Variants in CSMD1 observed in about 807,000 individuals in gnomAD.
CSMD1 encodes the protein CUB and sushi domain-containing protein 1.
CSMD1 carries 213 observed loss-of-function variants against 417.5 expected under a neutral mutation model. The observed-to-expected ratio is 0.51, with a 90% CI of 0.46 to 0.57. The LOEUF (loss-of-function observed/expected upper bound fraction) is 0.57. CSMD1 is among the 20% of genes least tolerant of loss of function. The pLI is 0.00. For synonymous variants in CSMD1, 2,862 were observed against 1,736.8 expected (o/e 1.65, Z -16.11); for missense variants, 6,923 against 4,529.7 (o/e 1.53, Z -15.17).
chr8:3,476,857 G>A lies in CSMD1; in HGVS notation c.1449-8033C>T, dbSNP rs542296804. Among the ~76,000 whole-genome samples the A allele has an allele frequency of 1.2e-3, 179 of 149,638 alleles. 1 individual carries two copies. Among genetic ancestry groups the A allele is most frequent in the South Asian group, 6.1e-3 (29 of 4,734 alleles). On this transcript the variant is annotated intron_variant, in intron 11 of 69. Coordinates refer to ENST00000635120, the MANE Select transcript of CSMD1 (RefSeq NM_033225.6). ...GGCTTGAACCTGGGAAGCAGAGGTCGCAGTGAGCCAAGACCGTGTCACTGC... is the reference window on the plus strand; with the variant it reads ...GGCTTGAACCTGGGAAGCAGAGGTCACAGTGAGCCAAGACCGTGTCACTGC...
intron 12 of CSMD1, among the ~76,000 whole-genome samples, chr8:3,458,458 C>G: frequency 6.6e-6 from 1 of 152,118 alleles, no homozygotes; most frequent in East Asian, 1.9e-4. Flanking sequence ...TCCTGAATGT[C>G]AGCATATCTT....
chr8:3,246,489 T>A (rs553717143), intron 26 of CSMD1, among the ~76,000 whole-genome samples: 13,186 of 152,200 alleles, frequency 0.087, 765 homozygotes, highest in Non-Finnish European at 0.12. Context: ...GTATTTTTTT[T>A]GTGACAGAGT....
At chr8:4,734,164 G>C (rs867601837) in intron 1 of CSMD1, among the ~76,000 whole-genome samples, 1 of 151,998 alleles carries the variant, frequency 6.6e-6, no homozygotes, top group African/African-American at 2.4e-5. Context: ...ATATAATAGA[G>C]CTTGTACTGG....
Position 4,869,575 on chromosome 8 carries a change from G to A in CSMD1, c.85+124757C>T, listed in dbSNP as rs79379808. Among the ~76,000 whole-genome samples, 166 of 152,004 alleles carry A rather than the reference G, an allele frequency of 1.1e-3. 2 individuals carry two copies. In the East Asian group the frequency reaches 0.031, roughly 28 times the overall value. ...ATGGCTGTTATGAAAAGCCTATTTT[G>A]TGTTAAATGTTGTAGTTTAGTTAAT... On this transcript the variant is annotated intron_variant, in intron 1 of 69. Transcript: ENST00000635120.
chr8:4,464,868 T>C lies in CSMD1; in HGVS notation c.303-44803A>G, dbSNP rs149463903. 1.6e-3 allele frequency among the ~76,000 whole-genome samples: 251 copies of C among 152,234 alleles called. 1 individual carries two copies. Among genetic ancestry groups the C allele is most frequent in the African/African-American group, 5.7e-3 (236 of 41,526 alleles). On this transcript the variant is annotated intron_variant, in intron 2 of 69. Transcript: ENST00000635120. Reference sequence around the variant, plus strand: ...CCAATTTACCCTGCTGTGTTAGTTTTATTAGTTTTTTATTAGTTTTTATTA... The same window carrying C: ...CCAATTTACCCTGCTGTGTTAGTTTCATTAGTTTTTTATTAGTTTTTATTA...
intron 26 of CSMD1, among the ~76,000 whole-genome samples, chr8:3,249,646 T>C (rs912429738): frequency 1.3e-5 from 2 of 152,204 alleles, no homozygotes; most frequent in Non-Finnish European, 2.9e-5. Flanking sequence ...AAACATGTAA[T>C]TAAAACATTG....
chr8:4,146,251 C>G (rs1804113963), intron 3 of CSMD1, among the ~76,000 whole-genome samples: 1 of 151,058 alleles, frequency 6.6e-6, no homozygotes, highest in South Asian at 2.1e-4. Flanking sequence ...CCAGGACCCT[C>G]ATCCACTCGA....
At chr8:4,207,544 C>G (rs1246178067) in intron 3 of CSMD1, among the ~76,000 whole-genome samples, 1 of 151,918 alleles carries the variant, frequency 6.6e-6, no homozygotes, top group African/African-American at 2.4e-5. Context: ...AAATGTCCAT[C>G]AATAGAAAAT....
intron 5 of CSMD1, among the ~76,000 whole-genome samples, chr8:3,895,191 T>C (rs1167254520): frequency 6.6e-6 from 1 of 152,226 alleles, no homozygotes; most frequent in African/African-American, 2.4e-5. Flanking sequence ...AGTTTCCTGT[T>C]ACTAAGAAAA....
chr8:4,896,336 A>C (rs1466131917), intron 1 of CSMD1, among the ~76,000 whole-genome samples: 1 of 152,044 alleles, frequency 6.6e-6, no homozygotes, highest in Admixed American at 6.5e-5. Context: ...TTCACACTTT[A>C]ATCTGCATAT....
At chr8:3,279,860 C>G (rs1283290195) in intron 26 of CSMD1, among the ~76,000 whole-genome samples, 4 of 152,144 alleles carry the variant, frequency 2.6e-5, no homozygotes, top group Non-Finnish European at 2.9e-5. Context: ...ATGGGGGAAA[C>G]TGCCCTCATG....
intron 3 of CSMD1, among the ~76,000 whole-genome samples, chr8:4,235,838 G>C (rs1167957073): frequency 6.6e-6 from 1 of 152,130 alleles, no homozygotes; most frequent in Non-Finnish European, 1.5e-5. Flanking sequence ...GAGGAGAGGA[G>C]ACATCCTGCC....
intron 5 of CSMD1, among the ~76,000 whole-genome samples, chr8:3,990,422 T>G (rs1487396233): frequency 6.6e-6 from 1 of 152,184 alleles, no homozygotes; most frequent in Non-Finnish European, 1.5e-5. Flanking sequence ...TCTCCCGGGA[T>G]AACTATTTTT....
In CSMD1 at chr8:4,426,727, T is replaced by G. The variant is rs919824733; in HGVS notation, c.303-6662A>C. On this transcript the variant is annotated intron_variant, in intron 2 of 69. Coordinates refer to ENST00000635120, the MANE Select transcript of CSMD1 (RefSeq NM_033225.6). ...AATGCAGTAATATTTTATTACTATA[T>G]ACATTTATTATACAATATAGTAATA... 1.9e-3 allele frequency among the ~76,000 whole-genome samples: 280 copies of G among 147,556 alleles called. 1 individual carries two copies. The highest frequency in any genetic ancestry group is 4.2e-3 in the Admixed American group (61 of 14,640).
chr8:3,423,863 G>A (rs1238524828), intron 12 of CSMD1, among the ~76,000 whole-genome samples: 1 of 152,156 alleles, frequency 6.6e-6, no homozygotes, highest in Non-Finnish European at 1.5e-5. Flanking sequence ...ACCTCCACCA[G>A]TCCTACGGCA....
chr8:3,321,689 A>T (rs1171552081), intron 23 of CSMD1, among the ~76,000 whole-genome samples: 1 of 151,082 alleles, frequency 6.6e-6, no homozygotes, highest in Non-Finnish European at 1.5e-5. Flanking sequence ...AATTCTAGAC[A>T]ATGTGTCTGT....
chr8:4,341,324 G>T (rs1490334630), intron 3 of CSMD1, among the ~76,000 whole-genome samples: 1 of 152,002 alleles, frequency 6.6e-6, no homozygotes, highest in African/African-American at 2.4e-5. Context: ...CATATCACTA[G>T]GTAAAAGTTT....
intron 1 of CSMD1, among the ~76,000 whole-genome samples, chr8:4,820,692 C>T (rs1022007044): frequency 2.6e-5 from 4 of 152,156 alleles, no homozygotes; most frequent in Non-Finnish European, 4.4e-5. Context: ...GTATCATTTC[C>T]TTAACAAGGC....
At position 3,575,038 on chromosome 8, in the gene CSMD1, C is replaced by G. The variant is rs1363367890; in HGVS notation, c.1251G>C (p.Gly417=). 7 of 1,613,192 alleles carry G rather than the reference C, an allele frequency of 4.3e-6. No homozygotes were observed. The highest frequency in any genetic ancestry group is 5.9e-6 in the Non-Finnish European group (7 of 1,179,692). Residue 417 remains glycine, a synonymous_variant, in exon 10 of 70, where the codon GGG becomes GGC. Coordinates refer to ENST00000635120, the MANE Select transcript of CSMD1 (RefSeq NM_033225.6). ...RARTCGSNLR[G]PSGVITSPNY... is the part of the protein sequence containing the mutation. The stretch of plus-strand genomic sequence containing the variant: ...TAGGGGAGGTAATGACGCCGCTGGG[C>G]CCACGCAGATTGGATCCACATGTTC...
Sources: allele counts gnomAD v4.1 joint callset (sites outside exome capture counted in the v4.1 genomes callset), GRCh38; gene constraint gnomAD v4.1.1; transcripts MANE v1.5; gene names NCBI Gene and HGNC (gene_info 2026-07-23, HGNC 2026-07-21).